The following PIEZO2 variants were observed in gnomAD, a reference collection of about 807,000 sequenced individuals.
PIEZO2 encodes piezo-type mechanosensitive ion channel component 2.
Under a neutral mutation model 337.3 loss-of-function variants are expected in PIEZO2, and 172 were observed. That is an observed-to-expected ratio of 0.51 (90% CI 0.45 to 0.58). The LOEUF (loss-of-function observed/expected upper bound fraction) is 0.58. Among genes scored for constraint, PIEZO2 ranks in the 20% least tolerant of loss-of-function variants. The pLI is 0.00. For missense variants in PIEZO2, 3,028 were observed against 3,391.3 expected, an observed-to-expected ratio of 0.89 and a Z score of 2.66; for synonymous variants, 1,251 against 1,228.5, an observed-to-expected ratio of 1.02 and a Z score of -0.38.
chr18:10,708,151 C>T (rs1409875295), intron 40 of PIEZO2, 124 bp downstream of exon 40: 1 of 152,176 alleles, frequency 6.6e-6, no homozygotes, highest in Non-Finnish European at 1.5e-5. Context: ...TTCGGTTAGT[C>T]ATGCAGATTC....
rs187292390 is a variant in PIEZO2 at position 10,764,360 on chromosome 18, G to A, written c.2947-1262C>T. 2.3e-3 allele frequency among the ~76,000 whole-genome samples: 357 copies of A among 152,264 alleles called. 3 individuals are homozygous for A. Among genetic ancestry groups the A allele is most frequent in the African/African-American group, 5.2e-3 (218 of 41,560 alleles). ...TGGCTTATAAAACTATAAAAGAAGA[G>A]GCCGGGTGAGGTGGCTCACGCCTGT... On this transcript the variant is annotated intron_variant, in intron 21 of 55. Transcript: ENST00000674853.
At chr18:10,891,243 G>A (rs758543459) in intron 4 of PIEZO2, among the ~76,000 whole-genome samples, 4 of 152,152 alleles carry the variant, frequency 2.6e-5, no homozygotes, top group Admixed American at 1.3e-4. Context: ...AGAATCACTT[G>A]AACCCGGGAG....
At chr18:11,030,796 G>C (rs1473305017) in intron 2 of PIEZO2, among the ~76,000 whole-genome samples, 1 of 152,064 alleles carries the variant, frequency 6.6e-6, no homozygotes, top group Non-Finnish European at 1.5e-5. Context: ...ATAAAAACAA[G>C]CACCTAGACA....
chr18:10,790,775 G>C (rs567210356), intron 14 of PIEZO2, among the ~76,000 whole-genome samples: 2 of 148,888 alleles, frequency 1.3e-5, no homozygotes, highest in Non-Finnish European at 3.0e-5. Flanking sequence ...GTGAGGTCTC[G>C]GTTCACTGCG....
intron 2 of PIEZO2, among the ~76,000 whole-genome samples, chr18:11,051,797 GCTCTGGA>G (rs1376481069): frequency 1.3e-5 from 2 of 152,320 alleles, no homozygotes; most frequent in Admixed American, 1.3e-4. Flanking sequence ...ACTGAAAAGG[GCTCTGGA>G]CTTTGGACAA....
intron 1 of PIEZO2, among the ~76,000 whole-genome samples, chr18:11,139,486 T>G (rs779668582): frequency 6.6e-5 from 10 of 152,172 alleles, no homozygotes; most frequent in Non-Finnish European, 1.5e-4. Context: ...TATGACGCCC[T>G]AATAAATATA....
intron 2 of PIEZO2, among the ~76,000 whole-genome samples, chr18:11,013,527 A>C (rs577187162): frequency 4.8e-4 from 73 of 152,338 alleles, no homozygotes; most frequent in African/African-American, 1.7e-3. Context: ...CTTGATCTTA[A>C]TTTCACCGTT....
At chr18:10,932,319 C>T (rs1188135131) in intron 3 of PIEZO2, among the ~76,000 whole-genome samples, 1 of 152,064 alleles carries the variant, frequency 6.6e-6, no homozygotes, top group East Asian at 1.9e-4. Flanking sequence ...TCAATTGAGC[C>T]TGGGAAGTCG....
rs1236084152 is a variant in PIEZO2, at chr18:10,872,220, T to C, written c.330-805A>G. ...TACATTTTGAGAAGAGCAGCATCAA[T>C]TGACACTTAGATAATTTTCACACAT... On this transcript the variant is annotated intron_variant, in intron 4 of 55. Transcript: ENST00000674853. This position sits in a 1 kb window ranked among gnomAD's most constrained non-coding sequence, Gnocchi z 4.3. Among the ~76,000 whole-genome samples, 2 of 152,186 alleles carry C rather than the reference T, an allele frequency of 1.3e-5. No homozygotes were observed. The highest frequency in any genetic ancestry group is 4.8e-5 in the African/African-American group (2 of 41,452).
intron 15 of PIEZO2, among the ~76,000 whole-genome samples, chr18:10,787,866 G>A (rs534252036): frequency 6.6e-6 from 1 of 152,110 alleles, no homozygotes; most frequent in South Asian, 2.1e-4. Flanking sequence ...TGAGTCTGTG[G>A]AGAAGTAACT....
rs1214875576 is a variant in PIEZO2 at position 10,862,375 on chromosome 18, C to T, written c.493-5164G>A. On this transcript the variant is annotated intron_variant, in intron 5 of 55. Transcript: ENST00000674853. The surrounding 1 kb of genome is among the most constrained non-coding windows in gnomAD (Gnocchi z 4.4). ...ACTTTACACAAGGCCAGCCTGTTCTCTGTTAGGGCCCTGAATGAGGGCCTA... is the reference window on the plus strand; with the variant it reads ...ACTTTACACAAGGCCAGCCTGTTCTTTGTTAGGGCCCTGAATGAGGGCCTA... Among the ~76,000 whole-genome samples, 2 of 152,166 alleles carry T rather than the reference C, an allele frequency of 1.3e-5. No individual in the cohort carries two copies. Among genetic ancestry groups the T allele is most frequent in the Non-Finnish European group, 2.9e-5 (2 of 68,040 alleles).
chr18:10,761,573 C>T (rs2038136632), intron 23 of PIEZO2, among the ~76,000 whole-genome samples: 1 of 152,052 alleles, frequency 6.6e-6, no homozygotes, highest in Non-Finnish European at 1.5e-5. Flanking sequence ...AGCATGCTGA[C>T]AACAGTAAAA....
Position 10,859,335 on chromosome 18 carries a change from A to G in PIEZO2, c.493-2124T>C, listed in dbSNP as rs2041811791. 3.3e-5 allele frequency among the ~76,000 whole-genome samples: 5 copies of G among 152,166 alleles called. No homozygotes were observed. The South Asian group carries it at 1.0e-3, about 32-fold the overall frequency. On this transcript the variant is annotated intron_variant, in intron 5 of 55. Coordinates refer to ENST00000674853, the MANE Select transcript of PIEZO2 (RefSeq NM_001378183.1). This position sits in a 1 kb window ranked among gnomAD's most constrained non-coding sequence, Gnocchi z 4.9. ...ACAATTCCCATCTCATTCTCAGAGG[A>G]TGACCTTGCTTTCTACTGCTCCCAG...
intron 1 of PIEZO2, among the ~76,000 whole-genome samples, chr18:11,091,902 G>T (rs528768339): frequency 6.6e-6 from 1 of 152,288 alleles, no homozygotes; most frequent in South Asian, 2.1e-4. Flanking sequence ...CAGCACAAGG[G>T]CAAGGCTCCG....
Position 10,680,342 on chromosome 18 carries a change from T to C in PIEZO2, c.7809A>G (p.Glu2603=). Residue 2603 remains glutamate (E), a synonymous_variant, in exon 52 of 56, where the codon GAA becomes GAG. Coordinates refer to ENST00000674853, the MANE Select transcript of PIEZO2 (RefSeq NM_001378183.1). ...GTTCTGCTACTGTTATGTCTTCTTT[T>C]TCATAATTTTCCAGAAATTGCATAG... ...TGAMQFLENY[E]KEDITVAELE... 6.2e-7 allele frequency: 1 copy of C among 1,613,954 alleles called. No individual in the cohort carries two copies. The highest frequency in any genetic ancestry group is 8.5e-7 in the Non-Finnish European group (1 of 1,179,920).
intron 13 of PIEZO2, among the ~76,000 whole-genome samples, chr18:10,792,455 G>A (rs527473847): frequency 6.6e-6 from 1 of 152,242 alleles, no homozygotes; most frequent in South Asian, 2.1e-4. Flanking sequence ...CTCAGCCCTA[G>A]CCAACCACGA....
At chr18:11,062,738 A>G (rs2038013092) in intron 2 of PIEZO2, among the ~76,000 whole-genome samples, 1 of 152,222 alleles carries the variant, frequency 6.6e-6, no homozygotes, top group Non-Finnish European at 1.5e-5. Context: ...TAGAATGGCC[A>G]TCATTAAAAA....
chr18:10,743,111 C>T (rs1172922723), intron 31 of PIEZO2, among the ~76,000 whole-genome samples: 1 of 152,042 alleles, frequency 6.6e-6, no homozygotes, highest in Non-Finnish European at 1.5e-5. Flanking sequence ...TCTTCTAGAC[C>T]TGATTTGGAT....
intron 3 of PIEZO2, among the ~76,000 whole-genome samples, chr18:10,950,488 C>T (rs1369122703): frequency 1.3e-5 from 2 of 152,208 alleles, no homozygotes; most frequent in African/African-American, 2.4e-5. Context: ...TTTGTCATTT[C>T]ACTGTGATAT....
Sources: gnomAD v4.1 joint callset for allele counts (sites outside exome capture counted in the v4.1 genomes callset) on GRCh38, gnomAD v4.1.1 for gene constraint, Gnocchi (gnomAD v3.1) non-coding constraint, MANE v1.5 for transcripts, NCBI Gene and HGNC (gene_info 2026-07-23, HGNC 2026-07-21) for gene names.